The following FAM13A variants were observed in gnomAD, a reference collection of about 807,000 sequenced individuals.
The protein encoded by FAM13A is protein FAM13A.
FAM13A carries 76 observed loss-of-function variants against 129.6 expected under a neutral mutation model. The observed-to-expected ratio is 0.59, with a 90% CI of 0.49 to 0.71. The LOEUF is 0.71. FAM13A is among the 30% of genes least tolerant of loss of function. The pLI is 0.00. For synonymous variants in FAM13A, 443 were observed against 449.9 expected (o/e 0.98, Z 0.20); for missense variants, 1,108 against 1,249.3 (o/e 0.89, Z 1.70).
intron 6 of FAM13A, among the ~76,000 whole-genome samples, chr4:88,890,859 A>G (rs1450178148): frequency 6.6e-6 from 1 of 152,212 alleles, no homozygotes; most frequent in Non-Finnish European, 1.5e-5. Context: ...AAGAGTTAAC[A>G]TTAAAATATG....
At chr4:89,012,561 T>G (rs1765871987) in intron 3 of FAM13A, among the ~76,000 whole-genome samples, 1 of 152,214 alleles carries the variant, frequency 6.6e-6, no homozygotes, top group South Asian at 2.1e-4. Flanking sequence ...ATCTCAGAGC[T>G]TCAGACATCA....
intron 4 of FAM13A, among the ~76,000 whole-genome samples, chr4:88,951,482 G>A (rs993830489): frequency 1.3e-5 from 2 of 152,130 alleles, no homozygotes; most frequent in African/African-American, 4.8e-5. Flanking sequence ...GAGAATATAA[G>A]TCTCAGTGTT....
intron 3 of FAM13A, among the ~76,000 whole-genome samples, chr4:89,010,073 CT>C (rs1765540798): frequency 6.6e-6 from 1 of 152,098 alleles, no homozygotes; most frequent in Non-Finnish European, 1.5e-5. Context: ...GGATCTTATC[CT>C]TGTCGGCAAT....
At position 89,015,175 on chromosome 4, in the gene FAM13A, C is replaced by G. The variant is rs530385801; in HGVS notation, c.427+5285G>C. On this transcript the variant is annotated intron_variant, in intron 3 of 23. Coordinates refer to ENST00000264344, the MANE Select transcript of FAM13A (RefSeq NM_014883.4). ...CTGGTTGTCTGCTCTCAAACCCTGTCTCCTGATAAGATGTTACCAACGACA... is the reference window on the plus strand; with the variant it reads ...CTGGTTGTCTGCTCTCAAACCCTGTGTCCTGATAAGATGTTACCAACGACA... Among the ~76,000 whole-genome samples the G allele has an allele frequency of 2.6e-4, 40 of 152,286 alleles. 1 individual carries two copies. In the South Asian group the frequency reaches 8.3e-3, roughly 32 times the overall value.
chr4:88,880,575 A>G (rs914022011), intron 6 of FAM13A, among the ~76,000 whole-genome samples: 1 of 152,104 alleles, frequency 6.6e-6, no homozygotes, highest in Non-Finnish European at 1.5e-5. Context: ...CCGAACGCAG[A>G]GTTTCCTGGA....
intron 4 of FAM13A, among the ~76,000 whole-genome samples, chr4:88,949,250 T>C (rs184994330): frequency 1.4e-3 from 211 of 152,324 alleles, no homozygotes; most frequent in African/African-American, 4.7e-3. Context: ...CCTTTTGGTA[T>C]TGGCATCATT....
chr4:88,874,054 T>C (rs935286545), intron 6 of FAM13A, among the ~76,000 whole-genome samples: 3 of 152,244 alleles, frequency 2.0e-5, no homozygotes, highest in South Asian at 4.1e-4. Flanking sequence ...ATTATCTCAA[T>C]AGATGCAGAA....
intron 11 of FAM13A, among the ~76,000 whole-genome samples, chr4:88,776,065 A>G (rs980001797): frequency 6.6e-6 from 1 of 152,200 alleles, no homozygotes; most frequent in Non-Finnish European, 1.5e-5. Flanking sequence ...TTGTTCGTAG[A>G]TAAGAGACCT....
At chr4:88,741,536 G>A (rs547497988) in intron 19 of FAM13A, among the ~76,000 whole-genome samples, 2 of 152,114 alleles carry the variant, frequency 1.3e-5, no homozygotes, top group African/African-American at 4.8e-5. Context: ...GATCGGCAAC[G>A]TTTTGTTTTT....
chr4:88,756,274 C>T (rs938282017), intron 14 of FAM13A, among the ~76,000 whole-genome samples: 8 of 152,194 alleles, frequency 5.3e-5, no homozygotes, highest in African/African-American at 1.9e-4. Context: ...TCGGATCCTA[C>T]ATTCACTTTG....
At position 88,760,594 on chromosome 4, in the gene FAM13A, A is replaced by C. The variant is rs1158716067; in HGVS notation, c.1579-1693T>G. 1.5e-5 allele frequency among the ~76,000 whole-genome samples: 2 copies of C among 134,630 alleles called. 1 individual carries two copies. Among genetic ancestry groups the C allele is most frequent in the Non-Finnish European group, 3.1e-5 (2 of 65,136 alleles). The allele number at this position is 134,630 out of a possible 152,430, so 88.3% of individuals were successfully genotyped here. A position where few individuals can be genotyped will look rare whatever the true frequency, so the allele number is the denominator to read the frequency against. On this transcript the variant is annotated intron_variant, in intron 13 of 23. Coordinates refer to ENST00000264344, the MANE Select transcript of FAM13A (RefSeq NM_014883.4). ...ACTCCAGCCTGGGCGACAGAGCGAG[A>C]CTCCGTCTCAAAAAAAAAAAAAAAA...
intron 6 of FAM13A, among the ~76,000 whole-genome samples, chr4:88,903,302 A>G (rs1331712460): frequency 6.6e-6 from 1 of 152,212 alleles, no homozygotes; most frequent in Non-Finnish European, 1.5e-5. Flanking sequence ...CTAAGCAAAA[A>G]GAACAAAGCT....
chr4:89,047,905 C>A (rs1015094133), intron 1 of FAM13A, among the ~76,000 whole-genome samples: 1 of 152,074 alleles, frequency 6.6e-6, no homozygotes, highest in Admixed American at 6.6e-5. Flanking sequence ...TGAAAATATG[C>A]CCAATATCAT....
intron 7 of FAM13A, among the ~76,000 whole-genome samples, chr4:88,835,965 C>T (rs2149903500): frequency 6.6e-6 from 1 of 152,228 alleles, no homozygotes; most frequent in South Asian, 2.1e-4. Flanking sequence ...TTAACACTTC[C>T]TCCTTGAAGC....
At chr4:88,781,851 G>GA (rs1491178658) in intron 10 of FAM13A, among the ~76,000 whole-genome samples, 1 of 149,090 alleles carries the variant, frequency 6.7e-6, no homozygotes, top group Non-Finnish European at 1.5e-5. Flanking sequence ...GGGGTGGGGG[G>GA]AGCGGGGAGG....
chr4:88,826,383 C>T (rs771143580), intron 7 of FAM13A, among the ~76,000 whole-genome samples: 1 of 151,768 alleles, frequency 6.6e-6, no homozygotes, highest in Non-Finnish European at 1.5e-5. Context: ...GGTTCCCTAG[C>T]ATCTTCCACT....
intron 10 of FAM13A, among the ~76,000 whole-genome samples, chr4:88,781,612 G>A (rs781054444): frequency 2.6e-5 from 4 of 152,036 alleles, no homozygotes; most frequent in Non-Finnish European, 4.4e-5. Flanking sequence ...TTTACCAAAA[G>A]TAATTTGTAT....
At chr4:88,850,828 C>G (rs58735824) in intron 7 of FAM13A, among the ~76,000 whole-genome samples, 192 bp downstream of exon 7, 12,609 of 152,232 alleles carry the variant, frequency 0.083, 845 homozygotes, top group African/African-American at 0.19. Flanking sequence ...AACAAAACAA[C>G]TAGAATGCTT....
At chr4:88,781,391 C>A in intron 10 of FAM13A, 40 bp from the exon 11 acceptor site, 2 of 1,403,028 alleles carry the variant, frequency 1.4e-6, no homozygotes, top group South Asian at 1.3e-5. Context: ...TTTAAAAGAT[C>A]AAATGGTCAT....
Sources: allele counts gnomAD v4.1 joint callset (sites outside exome capture counted in the v4.1 genomes callset), GRCh38; gene constraint gnomAD v4.1.1; transcripts MANE v1.5; gene names NCBI Gene and HGNC (gene_info 2026-07-23, HGNC 2026-07-21).